The following SHISA9 variants were observed in gnomAD, a reference collection of about 807,000 sequenced individuals.
SHISA9 encodes the protein protein shisa-9.
Under a neutral mutation model 38.0 loss-of-function variants are expected in SHISA9, and 13 were observed. That is an observed-to-expected ratio of 0.34 (90% CI 0.22 to 0.54). SHISA9 has a LOEUF of 0.54. SHISA9 is among the 20% of genes least tolerant of loss of function. The pLI is 0.91. For missense variants in SHISA9, 538 were observed against 575.8 expected (o/e 0.93, Z 0.67); for synonymous variants, 275 against 242.0 (o/e 1.14, Z -1.27).
At chr16:13,411,263 A>T in the SHISA9 span, among the ~76,000 whole-genome samples, 1 of 152,234 alleles carries the variant, frequency 6.6e-6, no homozygotes, top group Non-Finnish European at 1.5e-5. Flanking sequence ...TGGGAATGGC[A>T]GTTGAGCATG....
the SHISA9 span, among the ~76,000 whole-genome samples, chr16:13,423,813 C>A: frequency 1.3e-5 from 2 of 152,296 alleles, no homozygotes; most frequent in East Asian, 1.9e-4. Context: ...GGACTGAGGT[C>A]CTGTTTCCTT....
chr16:13,277,669 C>CT, the SHISA9 span, among the ~76,000 whole-genome samples: 1 of 147,950 alleles, frequency 6.8e-6, no homozygotes, highest in Non-Finnish European at 1.5e-5. Context: ...TTTTTTTTTT[C>CT]TTTTTTTGCA....
chr16:13,295,823 G>A, the SHISA9 span, among the ~76,000 whole-genome samples: 1 of 152,176 alleles, frequency 6.6e-6, no homozygotes, highest in Non-Finnish European at 1.5e-5. Context: ...TGCATGAAGT[G>A]TGCCAAAGAG....
the SHISA9 span, among the ~76,000 whole-genome samples, chr16:13,336,072 G>A: frequency 3.3e-5 from 5 of 152,256 alleles, no homozygotes; most frequent in East Asian, 3.9e-4. Context: ...GGGGTCCAGC[G>A]TGGTGCCTCC....
chr16:12,980,978 G>A (rs551878835), intron 2 of SHISA9, among the ~76,000 whole-genome samples: 11 of 151,768 alleles, frequency 7.2e-5, no homozygotes, highest in Admixed American at 3.3e-4. Flanking sequence ...TTAATAGAAG[G>A]CTAATTAAAA....
the SHISA9 span, among the ~76,000 whole-genome samples, chr16:13,425,200 A>G: frequency 2.0e-5 from 3 of 152,270 alleles, no homozygotes. Context: ...GGTTACTTCA[A>G]AAGCAGGGAG....
Position 12,926,406 on chromosome 16 carries a change from T to C in SHISA9, c.691+9591T>C, listed in dbSNP as rs2071393990. Among the ~76,000 whole-genome samples, 4 of 152,108 alleles carry C rather than the reference T, an allele frequency of 2.6e-5. No homozygotes were observed. The South Asian group carries it at 8.3e-4, about 32-fold the overall frequency. ...CTGGAGGACTCAGATTTTAGCTAAT[T>C]GTTTGCTTTCCTATAATTAATATTT... On this transcript the variant is annotated intron_variant, in intron 2 of 4. Coordinates refer to ENST00000558583, the MANE Select transcript of SHISA9 (RefSeq NM_001145204.3).
chr16:13,379,733 C>G, the SHISA9 span, among the ~76,000 whole-genome samples: 1 of 152,142 alleles, frequency 6.6e-6, no homozygotes, highest in Non-Finnish European at 1.5e-5. Context: ...CGTTCCTTTC[C>G]TCTTCTTCTG....
chr16:13,469,376 AG>A, the SHISA9 span, among the ~76,000 whole-genome samples: 5 of 101,358 alleles, frequency 4.9e-5, no homozygotes, highest in Admixed American at 2.0e-4. Flanking sequence ...AAAGAAAGAA[AG>A]AAAGAAAGAA....
chr16:13,018,827 A>G (rs1344411802), intron 2 of SHISA9, among the ~76,000 whole-genome samples: 1 of 152,086 alleles, frequency 6.6e-6, no homozygotes, highest in Admixed American at 6.5e-5. Flanking sequence ...TCAGGGGGTA[A>G]TCTGTGTGTG....
intron 2 of SHISA9, among the ~76,000 whole-genome samples, chr16:13,103,711 A>G (rs1262697137): frequency 6.6e-6 from 1 of 152,164 alleles, no homozygotes; most frequent in African/African-American, 2.4e-5. Flanking sequence ...TGGTGGGGTT[A>G]TTTCACCCTT....
chr16:12,925,447 ATGTGTGTGTG>A (rs1555500777), intron 2 of SHISA9, among the ~76,000 whole-genome samples: 1 of 66,204 alleles, frequency 1.5e-5, no homozygotes, highest in East Asian at 3.6e-4. Context: ...GTGTGTGTGT[ATGTGTGTGTG>A]TGTGTGTGTG....
the SHISA9 span, among the ~76,000 whole-genome samples, chr16:13,327,803 C>T: frequency 4.2e-4 from 64 of 152,022 alleles, no homozygotes; most frequent in African/African-American, 1.4e-3. Context: ...ATTACTGGCC[C>T]CTGCCACCAC....
chr16:13,469,537 C>G, the SHISA9 span, among the ~76,000 whole-genome samples: 468 of 152,248 alleles, frequency 3.1e-3, 4 homozygotes, highest in African/African-American at 0.011. Flanking sequence ...TTCCTATCAT[C>G]TCATCTTCTT....
intron 2 of SHISA9, among the ~76,000 whole-genome samples, chr16:13,116,818 A>G (rs1032983741): frequency 6.6e-6 from 1 of 152,210 alleles, no homozygotes; most frequent in African/African-American, 2.4e-5. Flanking sequence ...CTCGAAGACT[A>G]CTAGGACTGG....
At chr16:13,509,356 C>A in the SHISA9 span, among the ~76,000 whole-genome samples, 1 of 152,058 alleles carries the variant, frequency 6.6e-6, no homozygotes, top group Non-Finnish European at 1.5e-5. Flanking sequence ...AGAGCCAGAA[C>A]TCTGGACTCA....
chr16:13,127,456 G>C (rs957649531), intron 2 of SHISA9, among the ~76,000 whole-genome samples: 1 of 151,840 alleles, frequency 6.6e-6, no homozygotes, highest in African/African-American at 2.4e-5. Flanking sequence ...GATCGAGGGA[G>C]GGAGAGAGAG....
chr16:13,208,913 G>C (rs1205511144), intron 3 of SHISA9, among the ~76,000 whole-genome samples: 1 of 152,116 alleles, frequency 6.6e-6, no homozygotes, highest in Non-Finnish European at 1.5e-5. Context: ...TACCATATGA[G>C]AAGCACCTTA....
At chr16:12,941,335 A>C (rs2141757964) in intron 2 of SHISA9, among the ~76,000 whole-genome samples, 1 of 150,086 alleles carries the variant, frequency 6.7e-6, no homozygotes, top group Middle Eastern at 3.5e-3. Flanking sequence ...TGGGCAACAG[A>C]GTGAGATTCC....
Sources: gnomAD v4.1 joint callset for allele counts (sites outside exome capture counted in the v4.1 genomes callset) on GRCh38, gnomAD v4.1.1 for gene constraint, MANE v1.5 for transcripts, NCBI Gene and HGNC (gene_info 2026-07-23, HGNC 2026-07-21) for gene names.